RMI1: variants seen among roughly 807,000 people sequenced by gnomAD.
The protein encoded by RMI1 is recQ-mediated genome instability protein 1.
In RMI1, 36 loss-of-function variants were observed where a neutral mutation model predicts 46.7. The ratio of observed to expected loss-of-function variants is 0.77; its 90% CI spans 0.59 to 1.02. The LOEUF (loss-of-function observed/expected upper bound fraction) is 1.02, where lower values mean the gene tolerates loss of function less well. RMI1 is among the 50% of genes least tolerant of loss of function. The pLI, the probability that RMI1 is intolerant of heterozygous loss-of-function variation, is 0.00. For missense variants in RMI1, 676 were observed against 713.7 expected (o/e 0.95, Z 0.60); for synonymous variants, 250 against 252.9 (o/e 0.99, Z 0.11).
chr9:83,983,832 T>C (rs369705988), intron 1 of RMI1, among the ~76,000 whole-genome samples: 44 of 152,296 alleles, frequency 2.9e-4, no homozygotes, highest in African/African-American at 9.9e-4. Context: ...ATAAAATTAA[T>C]GGGGATTAAG....
chr9:83,987,050 TCCCTC>T (rs1008273207), intron 1 of RMI1, among the ~76,000 whole-genome samples: 2 of 152,204 alleles, frequency 1.3e-5, no homozygotes, highest in Non-Finnish European at 1.5e-5. Flanking sequence ...CTGGGTTCCT[TCCCTC>T]CCCTCCCCTC....
At chr9:83,999,197 AT>A (rs1260354359) in intron 1 of RMI1, among the ~76,000 whole-genome samples, 8 of 151,262 alleles carry the variant, frequency 5.3e-5, no homozygotes, top group African/African-American at 1.7e-4. Context: ...ATAAAAAAAA[AT>A]AAAATAACAA....
At position 83,989,311 on chromosome 9, in the gene RMI1, C is replaced by T. The variant is rs573412293; in HGVS notation, c.-126+8420C>T. Among the ~76,000 whole-genome samples, 4 of 152,196 alleles carry T rather than the reference C, an allele frequency of 2.6e-5. No homozygotes were observed. The South Asian group carries it at 8.3e-4, about 32-fold the overall frequency. ...TTTTTGAGGTAAAAACTTAAAAGCACAGGCAATAAAAGCAAAAATAGATGG... is the reference window on the plus strand; with the variant it reads ...TTTTTGAGGTAAAAACTTAAAAGCATAGGCAATAAAAGCAAAAATAGATGG... On this transcript the variant is annotated intron_variant, in intron 1 of 2. Coordinates refer to ENST00000445877, the MANE Select transcript of RMI1 (RefSeq NM_001358291.2).
At chr9:83,993,443 A>T (rs1258891160) in intron 1 of RMI1, among the ~76,000 whole-genome samples, 2 of 152,236 alleles carry the variant, frequency 1.3e-5, no homozygotes, top group African/African-American at 2.4e-5. Context: ...CAATGCTGCA[A>T]CAAACGTGGA....
Position 83,998,011 on chromosome 9 carries a change from G to T in RMI1, c.-125-1698G>T, listed in dbSNP as rs949396663. 2.0e-5 allele frequency among the ~76,000 whole-genome samples: 3 copies of T among 152,012 alleles called. No homozygotes were observed. The East Asian group carries it at 5.8e-4, about 29-fold the overall frequency. On this transcript the variant is annotated intron_variant, in intron 1 of 2. Coordinates refer to ENST00000445877, the MANE Select transcript of RMI1 (RefSeq NM_001358291.2). ...GGGATCTTGCTTTGTTGCCCAGGCT[G>T]GTCTTGAACTCCTGGGCTCAAGTGA...
intron 1 of RMI1, among the ~76,000 whole-genome samples, chr9:83,982,190 T>C (rs1396021543): frequency 1.3e-5 from 2 of 152,228 alleles, no homozygotes; most frequent in Non-Finnish European, 2.9e-5. Flanking sequence ...AGTTAGTATT[T>C]GCAACATTTA....
At chr9:83,981,394 G>T (rs1957389329) in intron 1 of RMI1, among the ~76,000 whole-genome samples, 1 of 152,250 alleles carries the variant, frequency 6.6e-6, no homozygotes, top group African/African-American at 2.4e-5. Context: ...TCCATTCAAA[G>T]CGCCTGCCTT....
intron 1 of RMI1, among the ~76,000 whole-genome samples, chr9:83,981,774 G>A (rs540581518): frequency 6.6e-6 from 1 of 152,184 alleles, no homozygotes. Context: ...CTGTTATAAT[G>A]TTTCCTTCTT....
At position 84,003,137 on chromosome 9, in the gene RMI1, G is replaced by A. The variant is rs1204876731; in HGVS notation, c.*273G>A. ...TCATAGGTTATTGCATCAACCTCTT[G>A]AGCTCAAGCGATCCTCCTGCCTTAG... On this transcript the variant is annotated 3_prime_UTR_variant, in exon 3 of 3. Coordinates refer to ENST00000445877, the MANE Select transcript of RMI1 (RefSeq NM_001358291.2). 4.4e-6 allele frequency: 1 copy of A among 226,100 alleles called. No homozygotes were observed. Among genetic ancestry groups the A allele is most frequent in the Non-Finnish European group, 9.4e-6 (1 of 106,920 alleles). 14.0% of individuals were successfully genotyped at this position (226,100 alleles called of 1,614,324 possible). A position where few individuals can be genotyped will look rare whatever the true frequency, so the allele number is the denominator to read the frequency against.
rs1402791604 is a variant in RMI1 at position 84,001,610 on chromosome 9, A to G, written c.624A>G (p.Ala208=). 1.9e-6 allele frequency: 3 copies of G among 1,614,068 alleles called. No individual in the cohort carries two copies. The South Asian group carries it at 3.3e-5, about 18-fold the overall frequency. ...LEEYAQEKVL[A]RLIGEPDLVV... ...AATATGCCCAAGAAAAAGTACTTGC[A>G]AGATTAATAGGGGAACCTGATCTTG... Residue 208 remains alanine, a synonymous_variant, in exon 3 of 3, where the codon GCA becomes GCG. Transcript: ENST00000445877.
At chr9:83,985,447 ATC>A (rs1957475500) in intron 1 of RMI1, among the ~76,000 whole-genome samples, 1 of 152,166 alleles carries the variant, frequency 6.6e-6, no homozygotes, top group South Asian at 2.1e-4. Flanking sequence ...AGTGTTAAGT[ATC>A]TCTTATCACA....
intron 1 of RMI1, among the ~76,000 whole-genome samples, chr9:83,986,717 T>C (rs1344825944): frequency 6.6e-6 from 1 of 152,240 alleles, no homozygotes; most frequent in South Asian, 2.1e-4. Context: ...AGTCTTCACT[T>C]CTCTGTTTAT....
At chr9:83,991,186 G>A (rs1957568551) in intron 1 of RMI1, among the ~76,000 whole-genome samples, 1 of 152,084 alleles carries the variant, frequency 6.6e-6, no homozygotes, top group African/African-American at 2.4e-5. Context: ...GTTTCTTTTA[G>A]ACTAATATGC....
chr9:84,003,007 C>T lies in RMI1; in HGVS notation c.*143C>T, dbSNP rs1324058436. On this transcript the variant is annotated 3_prime_UTR_variant, in exon 3 of 3. Transcript: ENST00000445877. The stretch of plus-strand genomic sequence containing the variant: ...TCAGTTTAATTTTAAAGTGTTTAAT[C>T]ATGTTTGTTATATGTGGAGCTTTTG... 4 of 529,202 alleles carry T rather than the reference C, an allele frequency of 7.6e-6. No homozygotes were observed. The highest frequency in any genetic ancestry group is 3.9e-5 in the African/African-American group (2 of 51,198). 32.8% of individuals were successfully genotyped at this position (529,202 alleles called of 1,614,324 possible). A position where few individuals can be genotyped will look rare whatever the true frequency, so the allele number is the denominator to read the frequency against.
At chr9:83,994,302 T>G (rs1957618291) in intron 1 of RMI1, among the ~76,000 whole-genome samples, 2 of 152,196 alleles carry the variant, frequency 1.3e-5, no homozygotes, top group Admixed American at 1.3e-4. Context: ...TTCAGTTTGA[T>G]GTAGTCCCAT....
At chr9:83,982,936 G>C (rs191865555) in intron 1 of RMI1, among the ~76,000 whole-genome samples, 3 of 152,210 alleles carry the variant, frequency 2.0e-5, no homozygotes, top group Admixed American at 2.0e-4. Context: ...GTTCATTCAA[G>C]AACTTAACAA....
At position 83,995,371 on chromosome 9, in the gene RMI1, T is replaced by C. The variant is rs377332697; in HGVS notation, c.-125-4338T>C. On this transcript the variant is annotated intron_variant, in intron 1 of 2. Coordinates refer to ENST00000445877, the MANE Select transcript of RMI1 (RefSeq NM_001358291.2). The stretch of plus-strand genomic sequence containing the variant: ...CTTTCTGAAATTGCAATTATTTCAC[T>C]GTTGGAACTATGTTCCCTACTTCTT... Among the ~76,000 whole-genome samples the C allele has an allele frequency of 6.8e-4, 103 of 152,240 alleles. 1 individual carries two copies. The South Asian group carries it at 0.019, about 28-fold the overall frequency.
rs1218415452 is a variant in RMI1, at chr9:84,002,068, ACTTTT to A, written c.1087_1091del (p.Ser363AspfsTer8). 3 of 1,613,824 alleles carry A rather than the reference ACTTTT, an allele frequency of 1.9e-6. No individual in the cohort carries two copies. The highest frequency in any genetic ancestry group is 8.5e-7 in the Non-Finnish European group (1 of 1,179,882). ...TCACATAATCCTAATACTACGAATA[ACTTTT>A]CTTTGACTTGCAAAAATGGAAACAA... On this transcript the variant is annotated frameshift_variant, in exon 3 of 3. Coordinates refer to ENST00000445877, the MANE Select transcript of RMI1 (RefSeq NM_001358291.2). LOFTEE classifies it high-confidence loss of function.
intron 1 of RMI1, among the ~76,000 whole-genome samples, chr9:83,982,947 T>TA (rs1442046899): frequency 6.6e-6 from 1 of 152,254 alleles, no homozygotes; most frequent in Non-Finnish European, 1.5e-5. Context: ...AACTTAACAA[T>TA]ACATTCATTG....
Sources: gnomAD v4.1 joint callset for allele counts (sites outside exome capture counted in the v4.1 genomes callset) on GRCh38, gnomAD v4.1.1 for gene constraint, MANE v1.5 for transcripts, NCBI Gene and HGNC (gene_info 2026-07-23, HGNC 2026-07-21) for gene names.